KLF12: variants seen among roughly 807,000 people sequenced by gnomAD.
The protein encoded by KLF12 is KLF transcription factor 12.
Under a neutral mutation model 37.8 loss-of-function variants are expected in KLF12, and 9 were observed. The observed-to-expected ratio is 0.24, with a 90% CI of 0.14 to 0.42. KLF12 has a LOEUF of 0.42. Among genes scored for constraint, KLF12 ranks in the 10% least tolerant of loss-of-function variants. The pLI, the probability that KLF12 is intolerant of heterozygous loss-of-function variation, is 1.00. For synonymous variants in KLF12, 208 were observed against 202.1 expected (o/e 1.03, Z -0.25); for missense variants, 411 against 516.0 (o/e 0.80, Z 1.97).
the KLF12 span, among the ~76,000 whole-genome samples, chr13:74,268,516 A>T: frequency 6.6e-6 from 1 of 152,214 alleles, no homozygotes; most frequent in African/African-American, 2.4e-5. Context: ...TGGTTTTATC[A>T]TGTACCCTAT....
chr13:74,036,282 G>A (rs1022808751), intron 1 of KLF12, among the ~76,000 whole-genome samples: 44 of 152,136 alleles, frequency 2.9e-4, no homozygotes, highest in African/African-American at 1.0e-3. Context: ...CCTCTGAAGA[G>A]ACTCTTAGTT....
the KLF12 span, among the ~76,000 whole-genome samples, chr13:74,174,099 A>G: frequency 6.6e-6 from 1 of 152,154 alleles, no homozygotes; most frequent in African/African-American, 2.4e-5. Flanking sequence ...TAGACCTCAG[A>G]TTAATGACCT....
chr13:73,769,398 C>T (rs746556668), intron 5 of KLF12, among the ~76,000 whole-genome samples: 1 of 152,194 alleles, frequency 6.6e-6, no homozygotes, highest in Non-Finnish European at 1.5e-5. Flanking sequence ...CATTCTTGAA[C>T]AGCTTCTTTA....
chr13:73,777,823 TC>T (rs570815232), intron 5 of KLF12, among the ~76,000 whole-genome samples: 26 of 151,446 alleles, frequency 1.7e-4, no homozygotes, highest in Non-Finnish European at 2.4e-4. Context: ...CCTCCCTTAC[TC>T]TGTCTTTTTT....
chr13:74,049,702 T>C (rs1234399271), intron 1 of KLF12, among the ~76,000 whole-genome samples: 2 of 152,104 alleles, frequency 1.3e-5, no homozygotes, highest in African/African-American at 4.8e-5. Flanking sequence ...AATTCCAGCG[T>C]GGGATAATCC....
At chr13:74,041,580 C>T (rs1446212412) in intron 1 of KLF12, among the ~76,000 whole-genome samples, 1 of 151,972 alleles carries the variant, frequency 6.6e-6, no homozygotes, top group Non-Finnish European at 1.5e-5. Flanking sequence ...TTTGCTGCAG[C>T]AACTCTTCCT....
chr13:74,098,184 A>G (rs1001868846), intron 1 of KLF12, among the ~76,000 whole-genome samples: 17 of 152,228 alleles, frequency 1.1e-4, no homozygotes, highest in African/African-American at 3.4e-4. Flanking sequence ...TTTTCTGTTT[A>G]TCATACACAG....
At position 73,939,102 on chromosome 13, in the gene KLF12, G is replaced by A. The variant is rs114976486; in HGVS notation, c.123+4879C>T. Among the ~76,000 whole-genome samples the A allele has an allele frequency of 6.9e-3, 1,058 of 152,280 alleles. 14 individuals carry two copies. Among genetic ancestry groups the A allele is most frequent in the African/African-American group, 0.025 (1,018 of 41,538 alleles). ...ATCAGAACTGTACCTGGTTCTACAG[G>A]AGAGAAGAGAGGCAGGATAACCAAT... is the stretch of plus-strand genomic sequence containing the variant. On this transcript the variant is annotated intron_variant, in intron 3 of 7. Transcript: ENST00000377669.
chr13:74,107,456 TAAAAG>T, intron 1 of KLF12, among the ~76,000 whole-genome samples: 1 of 152,164 alleles, frequency 6.6e-6, no homozygotes, highest in Non-Finnish European at 1.5e-5. Flanking sequence ...TCTACAGAAA[TAAAAG>T]TAAAAAGGAA....
At chr13:74,015,979 C>CA (rs1892680018) in intron 1 of KLF12, among the ~76,000 whole-genome samples, 1 of 152,042 alleles carries the variant, frequency 6.6e-6, no homozygotes, top group Admixed American at 6.5e-5. Flanking sequence ...ATGGACATAA[C>CA]AGATGTTTAC....
At chr13:74,076,700 A>G (rs553934717) in intron 1 of KLF12, among the ~76,000 whole-genome samples, 2 of 151,802 alleles carry the variant, frequency 1.3e-5, no homozygotes, top group African/African-American at 4.8e-5. Flanking sequence ...ATATACGTAA[A>G]CTCATGTCAC....
intron 4 of KLF12, among the ~76,000 whole-genome samples, chr13:73,840,231 C>T (rs1311383151): frequency 1.3e-5 from 2 of 152,110 alleles, no homozygotes; most frequent in Non-Finnish European, 2.9e-5. Context: ...AACATTACTC[C>T]ACTTTCCTCA....
chr13:73,944,171 C>T, intron 2 of KLF12, 101 bp from the exon 3 acceptor site: 1 of 703,350 alleles, frequency 1.4e-6, no homozygotes, highest in South Asian at 1.6e-5. Flanking sequence ...TATTGCTAAC[C>T]TAATTTTTTA....
chr13:74,086,188 A>G (rs2138789593), intron 1 of KLF12, among the ~76,000 whole-genome samples: 1 of 151,804 alleles, frequency 6.6e-6, no homozygotes, highest in East Asian at 1.9e-4. Flanking sequence ...TTACATATGT[A>G]TACATGTGCC....
At chr13:74,054,587 T>C (rs574273209) in intron 1 of KLF12, among the ~76,000 whole-genome samples, 5 of 152,198 alleles carry the variant, frequency 3.3e-5, no homozygotes, top group Admixed American at 1.3e-4. Context: ...AAAAAACAAC[T>C]CAAGGCTTAA....
intron 3 of KLF12, among the ~76,000 whole-genome samples, chr13:73,879,518 T>C (rs1395988155): frequency 6.6e-6 from 1 of 151,968 alleles, no homozygotes; most frequent in Non-Finnish European, 1.5e-5. Flanking sequence ...GAAACATAGA[T>C]AAGATATCAA....
intron 7 of KLF12, among the ~76,000 whole-genome samples, chr13:73,704,859 A>G (rs2137605441): frequency 6.6e-6 from 1 of 152,320 alleles, no homozygotes; most frequent in East Asian, 1.9e-4. Flanking sequence ...GTGTGCTAAT[A>G]AAGACTTGTT....
intron 3 of KLF12, among the ~76,000 whole-genome samples, chr13:73,893,253 T>C (rs1594219523): frequency 6.6e-6 from 1 of 152,222 alleles, no homozygotes; most frequent in East Asian, 1.9e-4. Context: ...TTTAATTATG[T>C]GTATGGTGTG....
intron 4 of KLF12, among the ~76,000 whole-genome samples, chr13:73,827,239 C>T (rs1473284842): frequency 6.6e-5 from 10 of 152,132 alleles, no homozygotes; most frequent in Admixed American, 6.5e-4. Context: ...TAAAAATATT[C>T]ACTATTACAA....
Sources: allele counts gnomAD v4.1 joint callset (sites outside exome capture counted in the v4.1 genomes callset), GRCh38; gene constraint gnomAD v4.1.1; transcripts MANE v1.5; gene names NCBI Gene and HGNC (gene_info 2026-07-23, HGNC 2026-07-21).